CIMIP2A: variants seen among roughly 807,000 people sequenced by gnomAD.
CIMIP2A encodes family with sequence similarity 166 member A.
chr9:137,243,633 CACT>C, the CIMIP2A span: 1 of 1,613,776 alleles, frequency 6.2e-7, no homozygotes. Context: ...TGGCCTGTCC[CACT>C]GTGTGCACTT....
chr9:137,251,102 C>T, the CIMIP2A span: 1 of 601,662 alleles, frequency 1.7e-6, no homozygotes, highest in Admixed American at 2.7e-5. Flanking sequence ...GCTGGGGGTC[C>T]TGGCCCAGGC....
the CIMIP2A span, among the ~76,000 whole-genome samples, chr9:137,247,361 T>G: frequency 6.6e-6 from 1 of 152,256 alleles, no homozygotes; most frequent in Non-Finnish European, 1.5e-5. Context: ...CTAGCCGGCC[T>G]CTGCCGGCTG....
the CIMIP2A span, chr9:137,250,756 C>A: frequency 6.2e-6 from 1 of 161,666 alleles, no homozygotes; most frequent in Middle Eastern, 3.2e-3. Flanking sequence ...GCCCGGCCTG[C>A]CTCTGGTGTC....
chr9:137,245,971 G>T, the CIMIP2A span: 1 of 776,078 alleles, frequency 1.3e-6, no homozygotes, highest in Non-Finnish European at 1.9e-6. Context: ...AGGTTGGCCT[G>T]TGGCAGCTCG....
the CIMIP2A span, chr9:137,245,432 C>T: frequency 4.4e-5 from 71 of 1,613,778 alleles, no homozygotes; most frequent in African/African-American, 5.9e-4. Context: ...TGCGGGGTGT[C>T]GGGCGTGAAG....
At chr9:137,245,487 C>G in the CIMIP2A span, 1 of 1,613,746 alleles carries the variant, frequency 6.2e-7, no homozygotes, top group Non-Finnish European at 8.5e-7. Flanking sequence ...CTACCCCTGG[C>G]GGCTCCTGGG....
At chr9:137,245,869 AAGAAGGC>A in the CIMIP2A span, 1 of 1,495,066 alleles carries the variant, frequency 6.7e-7, no homozygotes, top group Non-Finnish European at 8.9e-7. Context: ...GAGGGAAGAG[AAGAAGGC>A]AGGGCAGGTC....
At chr9:137,245,275 A>G in the CIMIP2A span, 1 of 1,574,544 alleles carries the variant, frequency 6.4e-7, no homozygotes, top group South Asian at 1.2e-5. Flanking sequence ...GCTGAGCGGA[A>G]TGGGCTTGGC....
chr9:137,252,118 G>A, the CIMIP2A span: 5 of 1,611,116 alleles, frequency 3.1e-6, no homozygotes, highest in Non-Finnish European at 4.2e-6. Context: ...AGCATCGGCT[G>A]CAAGCACCAG....
the CIMIP2A span, chr9:137,243,870 G>C: frequency 6.8e-7 from 1 of 1,462,832 alleles, no homozygotes; most frequent in Non-Finnish European, 9.6e-7. Flanking sequence ...TCAGAGAAGT[G>C]TGGGGCTGCC....
the CIMIP2A span, among the ~76,000 whole-genome samples, chr9:137,249,605 C>A: frequency 3.3e-5 from 5 of 152,158 alleles, no homozygotes; most frequent in Non-Finnish European, 7.3e-5. Context: ...GTCTTAAGAC[C>A]CTTCCAGGAG....
the CIMIP2A span, among the ~76,000 whole-genome samples, chr9:137,247,989 C>A: frequency 6.6e-6 from 1 of 152,174 alleles, no homozygotes; most frequent in Non-Finnish European, 1.5e-5. Context: ...GACTGTCCCT[C>A]CAGAAAGGGC....
the CIMIP2A span, chr9:137,251,614 A>G: frequency 8.2e-7 from 1 of 1,222,048 alleles, no homozygotes; most frequent in South Asian, 1.5e-5. Flanking sequence ...CAGTGTGGGG[A>G]CAGGCTGTGG....
At chr9:137,251,940 G>A in the CIMIP2A span, 26 of 1,596,332 alleles carry the variant, frequency 1.6e-5, no homozygotes, top group African/African-American at 3.4e-4. Flanking sequence ...TGGTCTTTGG[G>A]GGGCTGTGGG....
the CIMIP2A span, chr9:137,252,773 C>G: frequency 3.2e-6 from 5 of 1,561,780 alleles, no homozygotes; most frequent in East Asian, 9.6e-5. Context: ...CCACCTAGGG[C>G]TGCCTGGGGC....
the CIMIP2A span, chr9:137,247,546 T>G: frequency 5.0e-6 from 5 of 991,036 alleles, no homozygotes; most frequent in South Asian, 7.0e-5. Context: ...GGCCTTCAGT[T>G]TCCTGGGGTC....
chr9:137,251,834 G>A, the CIMIP2A span: 2 of 1,606,840 alleles, frequency 1.2e-6, no homozygotes, highest in African/African-American at 1.3e-5. Context: ...TTGGCCTCAG[G>A]TTACAGACGG....
the CIMIP2A span, chr9:137,244,116 GTCCC>G: frequency 1.3e-6 from 2 of 1,531,280 alleles, no homozygotes; most frequent in Non-Finnish European, 1.8e-6. Context: ...AGGTAGAGCC[GTCCC>G]TCCCCACATT....
the CIMIP2A span, chr9:137,244,157 C>A: frequency 3.8e-5 from 61 of 1,612,952 alleles, no homozygotes; most frequent in African/African-American, 7.5e-4. Context: ...TGTGACCCTG[C>A]CCACTCTACT....
Sources: gnomAD v4.1 joint callset for allele counts (sites outside exome capture counted in the v4.1 genomes callset) on GRCh38, gnomAD v4.1.1 for gene constraint, MANE v1.5 for transcripts, NCBI Gene and HGNC (gene_info 2026-07-23, HGNC 2026-07-21) for gene names.